RFX7: variants seen among roughly 807,000 people sequenced by gnomAD.
RFX7 encodes the protein DNA-binding protein RFX7.
Under a neutral mutation model 111.8 loss-of-function variants are expected in RFX7, and 26 were observed. That is an observed-to-expected ratio of 0.23 (90% confidence interval 0.17 to 0.32). RFX7 has a LOEUF of 0.32. Among genes scored for constraint, RFX7 ranks in the 10% least tolerant of loss-of-function variants. The pLI, the probability that RFX7 is intolerant of heterozygous loss-of-function variation, is 1.00. For synonymous variants in RFX7, 624 were observed against 624.4 expected (o/e 1.00, Z 0.01); for missense variants, 1,573 against 1,772.9 (o/e 0.89, Z 2.02).
intron 3 of RFX7, among the ~76,000 whole-genome samples, chr15:56,165,997 GGCTCAAGAGATATTCCCACCTCA>G (rs746398833): frequency 5.3e-5 from 8 of 152,054 alleles, no homozygotes; most frequent in Non-Finnish European, 7.4e-5. Context: ...TGACCTCCTG[GGCTCAAGAGATATTCCCACCTCA>G]GCCTCCCAAG....
Position 56,089,621 on chromosome 15 carries a change from T to G in RFX7, c.*3724A>C, listed in dbSNP as rs1335021522. 1 of 152,150 alleles carries G rather than the reference T, an allele frequency of 6.6e-6. No individual in the cohort carries two copies. Among genetic ancestry groups the G allele is most frequent in the Non-Finnish European group, 1.5e-5 (1 of 68,034 alleles). 9.4% of individuals were successfully genotyped at this position (152,150 alleles called of 1,614,324 possible). A position where few individuals can be genotyped will look rare whatever the true frequency, so the allele number is the denominator to read the frequency against. On this transcript the variant is annotated 3_prime_UTR_variant, in exon 10 of 10. Coordinates refer to ENST00000559447, the MANE Select transcript of RFX7 (RefSeq NM_022841.7). ...CTGACATTTTACCCTTCCATGTCAT[T>G]GAGCACTGAGGATCCTAACATACTA...
At chr15:56,240,021 G>C (rs72740503) in intron 2 of RFX7, among the ~76,000 whole-genome samples, 1 of 144,340 alleles carries the variant, frequency 6.9e-6, no homozygotes, top group Non-Finnish European at 1.5e-5. Flanking sequence ...TAACCAAAGA[G>C]GGGTACAATT....
chr15:56,170,986 A>G (rs1475915326), intron 3 of RFX7, among the ~76,000 whole-genome samples: 1 of 152,220 alleles, frequency 6.6e-6, no homozygotes, highest in East Asian at 1.9e-4. Context: ...GTTTTAAGCA[A>G]AGGTGTGAAA....
intron 2 of RFX7, chr15:56,193,278 C>T (rs779002367): frequency 1.2e-4 from 18 of 152,402 alleles, no homozygotes; most frequent in Non-Finnish European, 2.1e-4. Context: ...GCAGTGGCGG[C>T]GGCGACTGCA....
chr15:56,230,640 T>C lies in RFX7; in HGVS notation c.161+12485A>G, dbSNP rs537380384. On this transcript the variant is annotated intron_variant, in intron 2 of 9. Transcript: ENST00000559447. Reference sequence around the variant, plus strand: ...CAAAATTGTTGTCCCCACCTTCAAATAGCTTGTTTATTAGAACAGCACTGG... The same window carrying C: ...CAAAATTGTTGTCCCCACCTTCAAACAGCTTGTTTATTAGAACAGCACTGG... Among the ~76,000 whole-genome samples the C allele has an allele frequency of 6.6e-5, 10 of 152,338 alleles. No homozygotes were observed. In the South Asian group the frequency reaches 2.1e-3, roughly 32 times the overall value.
intron 2 of RFX7, among the ~76,000 whole-genome samples, chr15:56,222,357 G>A (rs2043435605): frequency 6.6e-6 from 1 of 151,976 alleles, no homozygotes. Flanking sequence ...TTTCTTTTGT[G>A]ATTACTGGGA....
chr15:56,193,558 T>C (rs2043119754), intron 2 of RFX7, among the ~76,000 whole-genome samples: 1 of 152,178 alleles, frequency 6.6e-6, no homozygotes, highest in Non-Finnish European at 1.5e-5. Context: ...AGTCTGGTAT[T>C]TTGGTATTAG....
intron 3 of RFX7, among the ~76,000 whole-genome samples, chr15:56,159,299 G>T (rs527632123): frequency 1.3e-5 from 2 of 152,240 alleles, no homozygotes; most frequent in Admixed American, 6.5e-5. Context: ...AGGCTTCAAC[G>T]AACTTAGGAG....
At chr15:56,206,336 C>A (rs1003886962) in intron 2 of RFX7, among the ~76,000 whole-genome samples, 3 of 152,030 alleles carry the variant, frequency 2.0e-5, no homozygotes, top group Admixed American at 6.6e-5. Context: ...AAGCCAGTCA[C>A]AGAAAAACAA....
rs760023159 is a variant in RFX7 at position 56,243,177 on chromosome 15, G to T, written c.109C>A (p.Leu37Met). The T allele has an allele frequency of 7.4e-7, 1 of 1,356,008 alleles. No individual in the cohort carries two copies. The highest frequency in any genetic ancestry group is 2.0e-5 in the Admixed American group (1 of 51,260). 84.0% of individuals were successfully genotyped at this position (1,356,008 alleles called of 1,614,324 possible). A position where few individuals can be genotyped will look rare whatever the true frequency, so the allele number is the denominator to read the frequency against. Reference protein sequence around the residue: ...GVALPALVPGLPGTEASALQH... With the variant: ...GVALPALVPGMPGTEASALQH... ...AGCGCGCTGGCCTCTGTCCCTGGCA[G>T]CCCGGGCACAAGGGCTGGCAGGGCC... is the stretch of plus-strand genomic sequence containing the variant. Residue 37 changes from leucine to methionine, a missense_variant, in exon 2 of 10, where the codon CTG (leucine) becomes ATG (methionine). Physicochemically the swap from Leu to Met is conservative, Grantham distance 15. Coordinates refer to ENST00000559447, the MANE Select transcript of RFX7 (RefSeq NM_022841.7).
chr15:56,177,039 T>G (rs1317290581), intron 3 of RFX7, among the ~76,000 whole-genome samples: 2 of 152,154 alleles, frequency 1.3e-5, no homozygotes, highest in African/African-American at 4.8e-5. Context: ...ATGTAATACA[T>G]GAACTACTTC....
At chr15:56,219,779 G>A (rs1175235523) in intron 2 of RFX7, among the ~76,000 whole-genome samples, 4 of 152,150 alleles carry the variant, frequency 2.6e-5, no homozygotes, top group Non-Finnish European at 5.9e-5. Context: ...TTGTCATTTA[G>A]GTTGATTCCA....
intron 9 of RFX7, among the ~76,000 whole-genome samples, chr15:56,097,167 C>T (rs183952230): frequency 1.7e-3 from 252 of 152,160 alleles, no homozygotes; most frequent in Non-Finnish European, 2.4e-3. Flanking sequence ...ACAAGAAAAA[C>T]GACAAAATAC....
chr15:56,210,735 G>A (rs1350481080), intron 2 of RFX7, among the ~76,000 whole-genome samples: 3 of 152,060 alleles, frequency 2.0e-5, no homozygotes, highest in Non-Finnish European at 4.4e-5. Flanking sequence ...GAGAGAAATT[G>A]TAAAATACTT....
intron 5 of RFX7, among the ~76,000 whole-genome samples, chr15:56,121,989 A>G (rs969258474): frequency 1.3e-5 from 2 of 152,180 alleles, no homozygotes; most frequent in African/African-American, 4.8e-5. Flanking sequence ...GAAAGGTCAC[A>G]TATCTCTGTC....
chr15:56,089,836 C>T lies in RFX7; in HGVS notation c.*3509G>A, dbSNP rs1222979601. On this transcript the variant is annotated 3_prime_UTR_variant, in exon 10 of 10. Transcript: ENST00000559447. ...TCCTTTCCTTTTGTAATTGCTTCTA[C>T]CACCTGTTCAAACTGAGGGCTCCAG... is the stretch of plus-strand genomic sequence containing the variant. The T allele has an allele frequency of 6.6e-6, 1 of 152,098 alleles. No homozygotes were observed. Among genetic ancestry groups the T allele is most frequent in the Non-Finnish European group, 1.5e-5 (1 of 68,034 alleles). The allele number at this position is 152,098 out of a possible 1,614,324, so 9.4% of individuals were successfully genotyped here. A position where few individuals can be genotyped will look rare whatever the true frequency, so the allele number is the denominator to read the frequency against.
At chr15:56,118,056 T>C (rs1287628806) in intron 5 of RFX7, among the ~76,000 whole-genome samples, 1 of 151,380 alleles carries the variant, frequency 6.6e-6, no homozygotes, top group Non-Finnish European at 1.5e-5. Flanking sequence ...TTAAAAATTC[T>C]TGTGAGTATA....
chr15:56,198,756 A>G (rs1490374367), intron 2 of RFX7, among the ~76,000 whole-genome samples: 1 of 152,224 alleles, frequency 6.6e-6, no homozygotes, highest in Non-Finnish European at 1.5e-5. Context: ...GAAGACTTAC[A>G]GATAAATAAG....
chr15:56,233,867 C>T (rs1036577300), intron 2 of RFX7, among the ~76,000 whole-genome samples: 12 of 152,114 alleles, frequency 7.9e-5, no homozygotes, highest in Non-Finnish European at 1.6e-4. Flanking sequence ...ACTTGTACAT[C>T]GAAACTTAAC....
Sources: gnomAD v4.1 joint callset for allele counts (sites outside exome capture counted in the v4.1 genomes callset) on GRCh38, gnomAD v4.1.1 for gene constraint, MANE v1.5 for transcripts, NCBI Gene and HGNC (gene_info 2026-07-23, HGNC 2026-07-21) for gene names.